ENAH: variants seen among roughly 807,000 people sequenced by gnomAD.
ENAH encodes protein enabled homolog.
Under a neutral mutation model 78.7 loss-of-function variants are expected in ENAH, and 23 were observed. The ratio of observed to expected loss-of-function variants is 0.29; its 90% CI spans 0.21 to 0.41. The LOEUF is 0.41. Among genes scored for constraint, ENAH ranks in the 10% least tolerant of loss-of-function variants. ENAH has a pLI of 1.00. For missense variants in ENAH, 544 were observed against 691.0 expected, an observed-to-expected ratio of 0.79 and a Z score of 2.39; for synonymous variants, 226 against 241.0, an observed-to-expected ratio of 0.94 and a Z score of 0.58.
chr1:225,570,078 C>T (rs977722342), intron 1 of ENAH, among the ~76,000 whole-genome samples: 2 of 151,246 alleles, frequency 1.3e-5, no homozygotes, highest in Admixed American at 1.3e-4. Flanking sequence ...TGGTGGCAGG[C>T]ACCTGTAACC....
At chr1:225,595,132 A>C (rs1005248174) in intron 1 of ENAH, among the ~76,000 whole-genome samples, 6 of 152,170 alleles carry the variant, frequency 3.9e-5, no homozygotes, top group African/African-American at 1.4e-4. Flanking sequence ...CAGGAGTTCG[A>C]GACCAGCCTG....
chr1:225,593,842 T>A (rs998233586), intron 1 of ENAH, among the ~76,000 whole-genome samples: 2 of 152,242 alleles, frequency 1.3e-5, no homozygotes, highest in African/African-American at 4.8e-5. Flanking sequence ...TACAATTTTT[T>A]AAAGCTGCTT....
At chr1:225,528,708 G>A (rs1429347949) in intron 4 of ENAH, among the ~76,000 whole-genome samples, 1 of 152,162 alleles carries the variant, frequency 6.6e-6, no homozygotes, top group Non-Finnish European at 1.5e-5. Context: ...AAGGGTAGGA[G>A]TTATATGTTT....
chr1:225,550,484 T>C (rs2096636278), intron 3 of ENAH, among the ~76,000 whole-genome samples: 1 of 152,192 alleles, frequency 6.6e-6, no homozygotes, highest in South Asian at 2.1e-4. Flanking sequence ...TGCATTAATA[T>C]CAACAATCTG....
intron 1 of ENAH, among the ~76,000 whole-genome samples, chr1:225,593,999 A>G (rs988964773): frequency 6.6e-6 from 1 of 152,224 alleles, no homozygotes; most frequent in Non-Finnish European, 1.5e-5. Context: ...GTATTCTTAC[A>G]TGATTTTCAG....
chr1:225,567,383 C>T lies in ENAH; in HGVS notation c.37G>A (p.Val13Met). ...TTATTGGCATCATCATAAACCATCA[C>T]AGCAGCTCTTGCCTGACAGATACTC... Reference protein sequence around the residue: ...EQSICQARAAVMVYDDANKKW... With the variant: ...EQSICQARAAMMVYDDANKKW... Residue 13 changes from valine (V) to methionine (M), a missense_variant, in exon 2 of 14, where the codon GTG becomes ATG. Val to Met is a conservative substitution (Grantham distance 21). Coordinates refer to ENST00000366843, the MANE Select transcript of ENAH (RefSeq NM_018212.6). 6.2e-7 allele frequency: 1 copy of T among 1,613,710 alleles called. No individual in the cohort carries two copies. The highest frequency in any genetic ancestry group is 8.5e-7 in the Non-Finnish European group (1 of 1,179,856).
chr1:225,614,289 C>G (rs534429352), intron 1 of ENAH, among the ~76,000 whole-genome samples: 103 of 152,220 alleles, frequency 6.8e-4, no homozygotes, highest in African/African-American at 2.3e-3. Flanking sequence ...GAACTCCTGA[C>G]CTCAGGTGAT....
intron 1 of ENAH, chr1:225,652,470 A>C (rs1663199723): frequency 1.0e-6 from 1 of 959,736 alleles, no homozygotes; most frequent in Non-Finnish European, 1.2e-6. Flanking sequence ...AAAATGAGAG[A>C]ACGATGAAGC....
At chr1:225,641,945 C>T (rs572448965) in intron 1 of ENAH, among the ~76,000 whole-genome samples, 114 of 152,050 alleles carry the variant, frequency 7.5e-4, no homozygotes, top group African/African-American at 2.7e-3. Flanking sequence ...CACTTGAACC[C>T]GGGAAGCAGA....
At chr1:225,614,224 A>G (rs552150385) in intron 1 of ENAH, among the ~76,000 whole-genome samples, 1 of 152,104 alleles carries the variant, frequency 6.6e-6, no homozygotes, top group Admixed American at 6.5e-5. Context: ...ATGCACAGCT[A>G]ATTTTTGTAT....
intron 1 of ENAH, among the ~76,000 whole-genome samples, chr1:225,578,455 A>C (rs1338024419): frequency 1.3e-5 from 2 of 152,212 alleles, no homozygotes; most frequent in Non-Finnish European, 2.9e-5. Flanking sequence ...AGCTTGGGCG[A>C]CAGAGCGAGA....
intron 3 of ENAH, among the ~76,000 whole-genome samples, chr1:225,545,588 T>C (rs2096609170): frequency 6.6e-6 from 1 of 152,230 alleles, no homozygotes; most frequent in Non-Finnish European, 1.5e-5. Context: ...AATGCCATGG[T>C]TTTACAAATC....
intron 5 of ENAH, 166 bp downstream of exon 5, chr1:225,519,031 TA>T: frequency 8.8e-7 from 1 of 1,135,424 alleles, no homozygotes; most frequent in Non-Finnish European, 1.2e-6. Context: ...CAGAGAGAAA[TA>T]AAAAGAAAAT....
intron 1 of ENAH, among the ~76,000 whole-genome samples, chr1:225,628,728 A>G (rs1658405380): frequency 6.6e-6 from 1 of 151,540 alleles, no homozygotes; most frequent in South Asian, 2.1e-4. Flanking sequence ...CTCAACATGG[A>G]AAAACCCCAT....
intron 1 of ENAH, among the ~76,000 whole-genome samples, chr1:225,620,158 A>G (rs1656543415): frequency 1.3e-5 from 2 of 151,970 alleles, no homozygotes; most frequent in Non-Finnish European, 2.9e-5. Context: ...AACTATCTGC[A>G]ATTAAGATGT....
chr1:225,617,223 T>G (rs369333239), intron 1 of ENAH, among the ~76,000 whole-genome samples: 4 of 152,252 alleles, frequency 2.6e-5, no homozygotes, highest in Admixed American at 2.0e-4. Flanking sequence ...TTATAGTTAG[T>G]TGAAATATAC....
chr1:225,501,012 C>G lies in ENAH; in HGVS notation c.1597G>C (p.Asp533His). ...CCCACCTGCTTCAGCCTGTCATAGT[C>G]AAGTCCTTCCGTCTGGACTCCATTG... ...SANGVQTEGLDYDRLKQDILD... is the reference protein window; with the variant it reads ...SANGVQTEGLHYDRLKQDILD... Residue 533 changes from aspartate to histidine, a missense_variant, in exon 12 of 14, where the codon GAC (aspartate) becomes CAC (histidine). Coordinates refer to ENST00000366843, the MANE Select transcript of ENAH (RefSeq NM_018212.6). 6.2e-7 allele frequency: 1 copy of G among 1,614,132 alleles called. No individual in the cohort carries two copies. The highest frequency in any genetic ancestry group is 1.1e-5 in the South Asian group (1 of 91,082).
chr1:225,509,278 G>T (rs1160446055), intron 10 of ENAH, among the ~76,000 whole-genome samples: 7 of 152,174 alleles, frequency 4.6e-5, no homozygotes, highest in African/African-American at 1.4e-4. Flanking sequence ...CCGGGACAGG[G>T]AAGGGAACGG....
intron 6 of ENAH, among the ~76,000 whole-genome samples, chr1:225,516,928 T>C (rs2151149748): frequency 6.6e-6 from 1 of 151,808 alleles, no homozygotes; most frequent in Admixed American, 6.6e-5. Context: ...GAGGGGCTCT[T>C]AAATACTAGA....
Sources: gnomAD v4.1 joint callset for allele counts (sites outside exome capture counted in the v4.1 genomes callset) on GRCh38, gnomAD v4.1.1 for gene constraint, MANE v1.5 for transcripts, NCBI Gene and HGNC (gene_info 2026-07-23, HGNC 2026-07-21) for gene names.